Variants in PPP3R1 observed in about 807,000 individuals in gnomAD.
PPP3R1 encodes calcineurin subunit B type 1.
Under a neutral mutation model 22.6 loss-of-function variants are expected in PPP3R1, and 5 were observed. The observed-to-expected ratio is 0.22, with a 90% CI of 0.12 to 0.46. PPP3R1 has a LOEUF of 0.46. Ranked by LOEUF, PPP3R1 falls within the 20% of genes least tolerant of loss-of-function variation. The probability of loss-of-function intolerance (pLI) is 0.99; values close to 1 mark genes in which losing one functional copy is unlikely to be tolerated. For synonymous variants in PPP3R1, 56 were observed against 65.2 expected (o/e 0.86, Z 0.68); for missense variants, 61 against 203.2 (o/e 0.30, Z 4.25).
At chr2:68,204,150 C>G (rs1426867629) in intron 2 of PPP3R1, among the ~76,000 whole-genome samples, 1 of 151,972 alleles carries the variant, frequency 6.6e-6, no homozygotes, top group Non-Finnish European at 1.5e-5. Flanking sequence ...AGTCACTTTT[C>G]CAAAGTTATC....
At chr2:68,217,279 A>T (rs943588043) in intron 1 of PPP3R1, 148 bp from the exon 2 acceptor site, 44 of 527,450 alleles carry the variant, frequency 8.3e-5, no homozygotes, top group Non-Finnish European at 1.3e-4. Flanking sequence ...TTATATTTTT[A>T]AAAAATAAGA....
chr2:68,212,066 T>C (rs1669498286), intron 2 of PPP3R1, among the ~76,000 whole-genome samples: 1 of 152,172 alleles, frequency 6.6e-6, no homozygotes, highest in Non-Finnish European at 1.5e-5. Flanking sequence ...TCTATAATAG[T>C]GAATCCTTTC....
In PPP3R1 at chr2:68,205,463, C is replaced by T. The variant is rs561172042; in HGVS notation, c.43+11629G>A. On this transcript the variant is annotated intron_variant, in intron 2 of 5. Coordinates refer to ENST00000234310, the MANE Select transcript of PPP3R1 (RefSeq NM_000945.4). ...TTCACCATGTCAGTCAGGCTGGTCT[C>T]GAACTCAGGTGATCCACCCACCTCG... Among the ~76,000 whole-genome samples, 152 of 151,938 alleles carry T rather than the reference C, an allele frequency of 1.0e-3. 1 individual carries two copies. Among genetic ancestry groups the T allele is most frequent in the African/African-American group, 3.3e-3 (136 of 41,440 alleles).
intron 1 of PPP3R1, among the ~76,000 whole-genome samples, chr2:68,224,798 T>TG (rs1430963313): frequency 6.6e-6 from 1 of 151,474 alleles, no homozygotes; most frequent in East Asian, 1.9e-4. Flanking sequence ...GGTAATTAAA[T>TG]GGGGAAAAAA....
intron 2 of PPP3R1, among the ~76,000 whole-genome samples, chr2:68,196,728 A>G (rs1372357761): frequency 2.0e-5 from 3 of 152,080 alleles, no homozygotes; most frequent in Non-Finnish European, 4.4e-5. Flanking sequence ...TTTAATAAAA[A>G]TGCTATTTTT....
chr2:68,211,412 A>AAAAAAAC (rs1235735149), intron 2 of PPP3R1, among the ~76,000 whole-genome samples: 1 of 151,358 alleles, frequency 6.6e-6, no homozygotes, highest in Non-Finnish European at 1.5e-5. Context: ...GTCTCAAAAA[A>AAAAAAAC]AAAAAAAAAA....
At chr2:68,217,640 TAAG>T (rs1051942407) in intron 1 of PPP3R1, among the ~76,000 whole-genome samples, 10 of 152,064 alleles carry the variant, frequency 6.6e-5, no homozygotes, top group African/African-American at 2.4e-4. Context: ...GCAACTAAAA[TAAG>T]AAAAACATTA....
chr2:68,208,789 G>A (rs1021814136), intron 2 of PPP3R1, among the ~76,000 whole-genome samples: 43 of 151,940 alleles, frequency 2.8e-4, no homozygotes, highest in African/African-American at 8.7e-4. Context: ...CAGGTGTGGT[G>A]GCGCTCACCT....
intron 1 of PPP3R1, among the ~76,000 whole-genome samples, chr2:68,232,170 TAC>T (rs1669922931): frequency 9.7e-6 from 1 of 102,804 alleles, no homozygotes; most frequent in Admixed American, 1.2e-4. Context: ...CATATATAAA[TAC>T]ATATATACGT....
intron 2 of PPP3R1, among the ~76,000 whole-genome samples, chr2:68,195,394 C>T (rs1674747259): frequency 6.6e-6 from 1 of 152,146 alleles, no homozygotes; most frequent in African/African-American, 2.4e-5. Context: ...GGGCTCATGA[C>T]ATCAATATGT....
At chr2:68,218,275 G>A (rs1240994745) in intron 1 of PPP3R1, among the ~76,000 whole-genome samples, 1 of 151,944 alleles carries the variant, frequency 6.6e-6, no homozygotes, top group South Asian at 2.1e-4. Context: ...ATGACTGGCT[G>A]GCTTTTAAAC....
At chr2:68,204,336 C>CTA (rs1265500423) in intron 2 of PPP3R1, among the ~76,000 whole-genome samples, 95 of 37,336 alleles carry the variant, frequency 2.5e-3, no homozygotes, top group African/African-American at 9.6e-3. Flanking sequence ...CACACACACA[C>CTA]TATATATATA....
chr2:68,191,602 T>C (rs1261465578), intron 2 of PPP3R1, among the ~76,000 whole-genome samples: 1 of 152,236 alleles, frequency 6.6e-6, no homozygotes, highest in African/African-American at 2.4e-5. Context: ...CAACTCGTTG[T>C]TAAGTGACAC....
chr2:68,195,584 G>C (rs182706223), intron 2 of PPP3R1, among the ~76,000 whole-genome samples: 1 of 151,952 alleles, frequency 6.6e-6, no homozygotes, highest in Non-Finnish European at 1.5e-5. Context: ...ACCTAATTTT[G>C]GCATCCATCA....
chr2:68,217,014 AC>A, intron 2 of PPP3R1, 77 bp downstream of exon 2: 1 of 603,874 alleles, frequency 1.7e-6, no homozygotes, highest in Non-Finnish European at 2.4e-6. Flanking sequence ...GGTATGATAC[AC>A]ACACACACAC....
chr2:68,252,019 T>G, intron 1 of PPP3R1, 106 bp downstream of exon 1: 1 of 1,157,640 alleles, frequency 8.6e-7, no homozygotes, highest in Non-Finnish European at 1.1e-6. Flanking sequence ...CTCTGGAATT[T>G]TCCACGGGGG....
intron 1 of PPP3R1, among the ~76,000 whole-genome samples, chr2:68,225,196 A>G (rs935547905): frequency 1.3e-5 from 2 of 152,236 alleles, no homozygotes; most frequent in Non-Finnish European, 2.9e-5. Flanking sequence ...AGGATTTTGC[A>G]CATGTAATTA....
At chr2:68,209,067 T>C (rs1669403505) in intron 2 of PPP3R1, among the ~76,000 whole-genome samples, 1 of 151,096 alleles carries the variant, frequency 6.6e-6, no homozygotes, top group Non-Finnish European at 1.5e-5. Context: ...TTTAAAAAAC[T>C]GTGGAAGTTG....
At chr2:68,206,989 A>T (rs1405738827) in intron 2 of PPP3R1, among the ~76,000 whole-genome samples, 1 of 152,110 alleles carries the variant, frequency 6.6e-6, no homozygotes, top group Non-Finnish European at 1.5e-5. Flanking sequence ...AATTAACCTA[A>T]ATAGGGAAGT....
Sources: allele counts gnomAD v4.1 joint callset (sites outside exome capture counted in the v4.1 genomes callset), GRCh38; gene constraint gnomAD v4.1.1; transcripts MANE v1.5; gene names NCBI Gene and HGNC (gene_info 2026-07-23, HGNC 2026-07-21).